Variants in THSD7B observed in about 807,000 individuals in gnomAD.
THSD7B encodes the protein thrombospondin type-1 domain-containing protein 7B.
Under a neutral mutation model 213.6 loss-of-function variants are expected in THSD7B, and 138 were observed. That is an observed-to-expected ratio of 0.65 (90% confidence interval 0.56 to 0.74). The LOEUF (loss-of-function observed/expected upper bound fraction) is 0.74. Among genes scored for constraint, THSD7B ranks in the 30% least tolerant of loss-of-function variants. The pLI is 0.00. For synonymous variants in THSD7B, 742 were observed against 687.0 expected (o/e 1.08, Z -1.25); for missense variants, 1,931 against 1,991.5 (o/e 0.97, Z 0.58).
At chr2:137,577,211 C>T (rs560195605) in intron 17 of THSD7B, among the ~76,000 whole-genome samples, 3 of 152,138 alleles carry the variant, frequency 2.0e-5, no homozygotes, top group East Asian at 1.9e-4. Context: ...GGGCTTGCAG[C>T]GTATTTTACC....
intron 15 of THSD7B, among the ~76,000 whole-genome samples, chr2:137,515,856 C>G (rs1162423183): frequency 6.6e-6 from 1 of 152,184 alleles, no homozygotes; most frequent in Non-Finnish European, 1.5e-5. Context: ...GAGTGGATTA[C>G]TCACTCCAGA....
chr2:136,903,140 A>G (rs1191604330), intron 2 of THSD7B, among the ~76,000 whole-genome samples: 2 of 147,912 alleles, frequency 1.4e-5, no homozygotes, highest in Non-Finnish European at 3.0e-5. Context: ...AAGGTTATTG[A>G]CAGCTACCCC....
intron 10 of THSD7B, among the ~76,000 whole-genome samples, chr2:137,246,009 G>T (rs1446146902): frequency 1.3e-5 from 2 of 152,110 alleles, no homozygotes; most frequent in Admixed American, 1.3e-4. Context: ...TGCGGGGTTG[G>T]GTTCATTAGA....
rs1232190792 is a variant in THSD7B, at chr2:137,232,908, C to G, written c.1925C>G (p.Pro642Arg). ...TTCTTATTTTTGGCAGGTGGAAAGC[C>G]ATGTCCCCCTAGTCAGGCTCTCCAA... ...ILALAGEGGK[P>R]CPPSQALQEH... Residue 642 changes from proline (P) to arginine (R), a missense_variant, in exon 9 of 28, where the codon CCA (proline) becomes CGA (arginine). By Grantham distance (103) the Pro-to-Arg change is moderately radical (BLOSUM62 -2). Transcript: ENST00000409968. The G allele has an allele frequency of 1.2e-6, 2 of 1,613,710 alleles. No individual in the cohort carries two copies. Among genetic ancestry groups the G allele is most frequent in the Admixed American group, 1.7e-5 (1 of 59,962 alleles).
intron 9 of THSD7B, 124 bp from the exon 10 acceptor site, chr2:137,242,333 C>A: frequency 1.5e-6 from 1 of 679,394 alleles, no homozygotes; most frequent in Non-Finnish European, 2.5e-6. Flanking sequence ...CCAGGAGTCT[C>A]TCTTCCCTCA....
chr2:136,798,594 C>T (rs1023769332), intron 1 of THSD7B, among the ~76,000 whole-genome samples: 2 of 151,950 alleles, frequency 1.3e-5, no homozygotes, highest in African/African-American at 2.4e-5. Flanking sequence ...TAACGACTCC[C>T]TCCAGAGGTG....
At chr2:136,808,944 G>T (rs763177165) in intron 1 of THSD7B, among the ~76,000 whole-genome samples, 2 of 152,122 alleles carry the variant, frequency 1.3e-5, no homozygotes, top group Non-Finnish European at 2.9e-5. Context: ...ACTTGCTTAA[G>T]CCACTGTTTA....
At chr2:137,059,007 A>G (rs1325375469) in intron 3 of THSD7B, among the ~76,000 whole-genome samples, 4 of 152,208 alleles carry the variant, frequency 2.6e-5, no homozygotes, top group African/African-American at 9.7e-5. Flanking sequence ...TGTTATAAAA[A>G]TAAATACCAT....
At chr2:136,774,296 A>T (rs893299691) in intron 1 of THSD7B, among the ~76,000 whole-genome samples, 4 of 152,084 alleles carry the variant, frequency 2.6e-5, no homozygotes, top group African/African-American at 9.7e-5. Context: ...AATGACTGTA[A>T]TTGGAGATGA....
intron 3 of THSD7B, among the ~76,000 whole-genome samples, chr2:137,091,144 C>A (rs191515880): frequency 6.6e-6 from 1 of 152,154 alleles, no homozygotes; most frequent in Non-Finnish European, 1.5e-5. Flanking sequence ...GATCCCTTTT[C>A]GAAAATATAA....
intron 15 of THSD7B, among the ~76,000 whole-genome samples, chr2:137,517,061 A>G: frequency 6.6e-6 from 1 of 152,222 alleles, no homozygotes. Context: ...GCTTGAGCAA[A>G]TTAACACATC....
At chr2:137,546,362 T>TAA (rs1491491085) in intron 15 of THSD7B, among the ~76,000 whole-genome samples, 1 of 55,250 alleles carries the variant, frequency 1.8e-5, no homozygotes, top group Non-Finnish European at 3.3e-5. Context: ...TATATATATA[T>TAA]TATATATATA....
At chr2:137,403,133 C>CA (rs141970491) in intron 12 of THSD7B, among the ~76,000 whole-genome samples, 2,178 of 152,086 alleles carry the variant, frequency 0.014, 71 homozygotes, top group African/African-American at 0.051. Context: ...AAAACGAAAA[C>CA]AAAAAATATT....
chr2:137,379,385 T>C (rs1333278207), intron 12 of THSD7B, among the ~76,000 whole-genome samples: 1 of 152,216 alleles, frequency 6.6e-6, no homozygotes, highest in Non-Finnish European at 1.5e-5. Flanking sequence ...GGTTTTATTG[T>C]TTAATTCAAT....
chr2:136,801,225 A>G (rs1478516969), intron 1 of THSD7B, among the ~76,000 whole-genome samples: 1 of 152,132 alleles, frequency 6.6e-6, no homozygotes, highest in Non-Finnish European at 1.5e-5. Context: ...AGACTAAAAT[A>G]AATCTTGAAA....
chr2:137,454,353 A>T (rs1687715530), intron 15 of THSD7B, among the ~76,000 whole-genome samples: 1 of 152,062 alleles, frequency 6.6e-6, no homozygotes, highest in African/African-American at 2.4e-5. Context: ...TATAGTGAAA[A>T]ATCCTAAATT....
intron 2 of THSD7B, among the ~76,000 whole-genome samples, chr2:137,047,377 T>G (rs1686990192): frequency 6.6e-6 from 1 of 152,230 alleles, no homozygotes; most frequent in South Asian, 2.1e-4. Context: ...ATATTGTGAT[T>G]ATGCCATGTT....
chr2:136,981,607 C>G (rs141101288), intron 2 of THSD7B, among the ~76,000 whole-genome samples: 2,244 of 152,308 alleles, frequency 0.015, 35 homozygotes, highest in East Asian at 0.074. Context: ...AGCCTGGGTT[C>G]TACATGATTA....
intron 1 of THSD7B, among the ~76,000 whole-genome samples, chr2:136,775,733 T>C (rs1681589741): frequency 6.6e-6 from 1 of 152,088 alleles, no homozygotes; most frequent in Admixed American, 6.6e-5. Flanking sequence ...AGGAATCAGC[T>C]AAAAATTAGA....
Sources: gnomAD v4.1 joint callset for allele counts (sites outside exome capture counted in the v4.1 genomes callset) on GRCh38, gnomAD v4.1.1 for gene constraint, MANE v1.5 for transcripts, NCBI Gene and HGNC (gene_info 2026-07-23, HGNC 2026-07-21) for gene names.